The following UGT1A3 variants were observed in gnomAD, a reference collection of about 807,000 sequenced individuals.
UGT1A3 encodes the protein UDP glucuronosyltransferase family 1 member A3, also known as UDP-glucuronosyltransferase 1A3.
A neutral mutation model predicts 41.0 loss-of-function variants in UGT1A3; 31 were observed. That is an observed-to-expected ratio of 0.76 (90% CI 0.57 to 1.02). The LOEUF (loss-of-function observed/expected upper bound fraction) is 1.02, where lower values mean the gene tolerates loss of function less well. UGT1A3 is among the 50% of genes least tolerant of loss of function. The probability of loss-of-function intolerance (pLI) is 0.00; values close to 1 mark genes in which losing one functional copy is unlikely to be tolerated. For missense variants in UGT1A3, 737 were observed against 671.0 expected (o/e 1.10, Z -1.09); for synonymous variants, 262 against 257.6 (o/e 1.02, Z -0.17).
intron 1 of UGT1A3, chr2:233,740,958 A>C (rs1691521445): frequency 6.6e-6 from 1 of 151,686 alleles, no homozygotes; most frequent in Non-Finnish European, 1.5e-5. Context: ...GTGTGGTAGC[A>C]TTTCTGTAGT....
At chr2:233,736,071 G>A (rs1216077159) in intron 1 of UGT1A3, among the ~76,000 whole-genome samples, 1 of 152,146 alleles carries the variant, frequency 6.6e-6, no homozygotes, top group Non-Finnish European at 1.5e-5. Flanking sequence ...TGCTAGGTTT[G>A]GGAAGTTCTC....
intron 4 of UGT1A3, 143 bp downstream of exon 4, chr2:233,768,582 CTTTTTTTTTTT>C (rs139595073): frequency 1.7e-3 from 1,723 of 1,029,514 alleles, no homozygotes; most frequent in Middle Eastern, 4.0e-3. Flanking sequence ...TTTATTTCTT[CTTTTTTTTTTT>C]TTTTTTTTTT....
chr2:233,751,986 T>A (rs1694863386), intron 1 of UGT1A3, among the ~76,000 whole-genome samples: 1 of 152,156 alleles, frequency 6.6e-6, no homozygotes, highest in South Asian at 2.1e-4. Context: ...TGAATCTGCA[T>A]TTATTGAGAA....
intron 1 of UGT1A3, among the ~76,000 whole-genome samples, chr2:233,744,866 G>A (rs1299036461): frequency 1.3e-4 from 20 of 151,914 alleles, no homozygotes; most frequent in Non-Finnish European, 1.5e-4. Context: ...TATTCTGAAG[G>A]GATTAGTTTA....
Position 233,772,306 on chromosome 2 carries a change from G to T in UGT1A3, c.1352G>T (p.Arg451Leu), listed in dbSNP as rs200370335. 9.9e-6 allele frequency: 16 copies of T among 1,614,092 alleles called. No individual in the cohort carries two copies. Among genetic ancestry groups the T allele is most frequent in the South Asian group, 2.2e-5 (2 of 91,084 alleles). ...CGCCTCTCCAGCCTTCACAAGGACC[G>T]CCCGGTGGAGCCGCTGGACCTGGCC... ...IMRLSSLHKD[R>L]PVEPLDLAVF... The change falls in exon 5 of 5, where the codon CGC (arginine) becomes CTC (leucine). Residue 451 changes from arginine (R) to leucine (L), a missense_variant. By Grantham distance (102) the Arg-to-Leu change is moderately radical. Coordinates refer to ENST00000482026, the MANE Select transcript of UGT1A3 (RefSeq NM_019093.4).
rs2077898670 is a variant in UGT1A3 at position 233,729,638 on chromosome 2, T to G, written c.512T>G (p.Phe171Cys). The change falls in exon 1 of 5, where the codon TTT (phenylalanine) becomes TGT (cysteine). Residue 171 changes from phenylalanine (F) to cysteine (C), a missense_variant. Phe to Cys is a radical substitution (Grantham distance 205). Transcript: ENST00000482026. The stretch of plus-strand genomic sequence containing the variant: ...AAGTACCTGTCGATTCCTACTGTGT[T>G]TTTTTTGAGGAACATTCCATGTGAT... The part of the protein sequence containing the change: ...LAKYLSIPTV[F>C]FLRNIPCDLD... The G allele has an allele frequency of 6.2e-7, 1 of 1,613,806 alleles. No homozygotes were observed. The highest frequency in any genetic ancestry group is 1.7e-5 in the Admixed American group (1 of 59,988).
intron 1 of UGT1A3, among the ~76,000 whole-genome samples, chr2:233,746,316 G>A (rs1048806578): frequency 1.3e-5 from 2 of 151,828 alleles, no homozygotes; most frequent in Non-Finnish European, 2.9e-5. Flanking sequence ...GGGCCCTGTA[G>A]ATGATCTACA....
intron 1 of UGT1A3, among the ~76,000 whole-genome samples, chr2:233,748,613 G>A (rs1489441058): frequency 2.0e-5 from 3 of 151,820 alleles, no homozygotes; most frequent in African/African-American, 7.3e-5. Flanking sequence ...AGCAACGAAC[G>A]TGGGATATAT....
At position 233,729,538 on chromosome 2, in the gene UGT1A3, A is replaced by G; in HGVS notation, c.412A>G (p.Ile138Val). Residue 138 changes from isoleucine (I) to valine (V), a missense_variant, in exon 1 of 5, where the codon ATC becomes GTC. By Grantham distance (29) the Ile-to-Val change is conservative (BLOSUM62 3). Coordinates refer to ENST00000482026, the MANE Select transcript of UGT1A3 (RefSeq NM_019093.4). The part of the protein sequence containing the change: ...CVELLHNEAL[I>V]RHLNATSFDV... ...GGAGCTACTACATAATGAGGCCCTG[A>G]TCAGGCACCTGAATGCTACTTCCTT... 6.2e-7 allele frequency: 1 copy of G among 1,614,196 alleles called. No individual in the cohort carries two copies. Among genetic ancestry groups the G allele is most frequent in the Non-Finnish European group, 8.5e-7 (1 of 1,180,036 alleles).
intron 1 of UGT1A3, among the ~76,000 whole-genome samples, chr2:233,764,715 A>C (rs1025640523): frequency 2.0e-5 from 3 of 152,182 alleles, no homozygotes; most frequent in African/African-American, 7.2e-5. Context: ...TGTCTCCCCA[A>C]GAAAGAGGGA....
intron 1 of UGT1A3, among the ~76,000 whole-genome samples, chr2:233,737,002 C>G (rs534387073): frequency 6.6e-6 from 1 of 152,190 alleles, no homozygotes; most frequent in Non-Finnish European, 1.5e-5. Flanking sequence ...GTCAGGGACC[C>G]GCTTGAGGAG....
intron 1 of UGT1A3, chr2:233,747,520 CAG>C (rs1211118425): frequency 1.2e-6 from 2 of 1,606,826 alleles, no homozygotes; most frequent in African/African-American, 2.7e-5. Flanking sequence ...TACTTTGAAA[CAG>C]AACATTTTCT....
chr2:233,747,846 A>G, intron 1 of UGT1A3: 1 of 1,613,572 alleles, frequency 6.2e-7, no homozygotes, highest in Non-Finnish European at 8.5e-7. Context: ...GCAAAGGGTC[A>G]AGAACATGCT....
In UGT1A3 at chr2:233,768,366, G is replaced by T. The variant is rs36076514; in HGVS notation, c.1234G>T (p.Val412Leu). The T allele has an allele frequency of 5.0e-5, 80 of 1,614,062 alleles. No homozygotes were observed. The Admixed American group carries it at 1.3e-3, about 26-fold the overall frequency. The part of the protein sequence containing the change: ...AKRMETKGAG[V>L]TLNVLEMTSE... ...GCGCATGGAGACTAAGGGAGCTGGA[G>T]TGACCCTGAATGTTCTGGAAATGAC... The change falls in exon 4 of 5, where the codon GTG becomes TTG. Residue 412 changes from valine (V) to leucine (L), a missense_variant. Val to Leu is a conservative substitution (Grantham distance 32). Transcript: ENST00000482026.
chr2:233,743,816 T>G (rs1350624065), intron 1 of UGT1A3: 1 of 1,367,308 alleles, frequency 7.3e-7, no homozygotes, highest in South Asian at 1.1e-5. Flanking sequence ...CTCAGGGTTT[T>G]TGTCGGGGTG....
In UGT1A3 at chr2:233,743,890, G is replaced by A. The variant is rs376911193; in HGVS notation, c.867+13897G>A. On this transcript the variant is annotated intron_variant, in intron 1 of 4. Transcript: ENST00000482026. ...CCTCGGATGAGGCCTGCCGGGGCAC[G>A]TCCAGCACCTCGTAGTAGTCCACCA... 9.6e-5 allele frequency: 131 copies of A among 1,366,674 alleles called. 1 individual carries two copies. The highest frequency in any genetic ancestry group is 6.3e-4 in the Middle Eastern group (3 of 4,786). The allele number at this position is 1,366,674 out of a possible 1,614,324, so 84.7% of individuals were successfully genotyped here. A position where few individuals can be genotyped will look rare whatever the true frequency, so the allele number is the denominator to read the frequency against.
Position 233,768,439 on chromosome 2 carries a change from G to A in UGT1A3, c.1307G>A (p.Ser436Asn), listed in dbSNP as rs1306719122. The change falls in exon 4 of 5, where the codon AGT becomes AAT. Residue 436 changes from serine (S) to asparagine (N), a missense_variant and splice_region_variant. Coordinates refer to ENST00000482026, the MANE Select transcript of UGT1A3 (RefSeq NM_019093.4). ...NALKAVINDK[S>N]YKENIMRLSS... The stretch of plus-strand genomic sequence containing the variant: ...CTAAAAGCAGTCATCAATGACAAAA[G>A]GTAAGAAAGAAGATACAGAAGAATA... 3.1e-6 allele frequency: 5 copies of A among 1,613,244 alleles called. No individual in the cohort carries two copies. The highest frequency in any genetic ancestry group is 1.3e-5 in the African/African-American group (1 of 74,970).
At chr2:233,758,352 G>C (rs141624801) in intron 1 of UGT1A3, among the ~76,000 whole-genome samples, 5 of 152,316 alleles carry the variant, frequency 3.3e-5, no homozygotes, top group Middle Eastern at 3.4e-3. Context: ...GCATGATGCA[G>C]GAAAGTCATA....
intron 1 of UGT1A3, among the ~76,000 whole-genome samples, chr2:233,749,857 C>T (rs2125901015): frequency 6.6e-6 from 1 of 152,096 alleles, no homozygotes; most frequent in Middle Eastern, 3.4e-3. Flanking sequence ...CTCTCTCTCA[C>T]TTTCTGCCAG....
Sources: gnomAD v4.1 joint callset for allele counts (sites outside exome capture counted in the v4.1 genomes callset) on GRCh38, gnomAD v4.1.1 for gene constraint, MANE v1.5 for transcripts, NCBI Gene and HGNC (gene_info 2026-07-23, HGNC 2026-07-21) for gene names.